TRIML2: variants seen among roughly 807,000 people sequenced by gnomAD.
TRIML2 encodes tripartite motif family like 2.
In TRIML2, 28 loss-of-function variants were observed where a neutral mutation model predicts 31.2. That is an observed-to-expected ratio of 0.90 (90% CI 0.66 to 1.23). TRIML2 has a LOEUF of 1.23. Among genes scored for constraint, TRIML2 ranks in the 50% most tolerant of loss-of-function variants. The pLI, the probability that TRIML2 is intolerant of heterozygous loss-of-function variation, is 0.00. For synonymous variants in TRIML2, 187 were observed against 197.5 expected (o/e 0.95, Z 0.45); for missense variants, 536 against 528.3 (o/e 1.01, Z -0.14).
intron 4 of TRIML2, among the ~76,000 whole-genome samples, chr4:188,100,319 T>C (rs1733717274): frequency 6.6e-6 from 1 of 152,172 alleles, no homozygotes; most frequent in African/African-American, 2.4e-5. Context: ...CACTGTTATA[T>C]CCAGTTTACA....
Position 188,109,560 on chromosome 4 carries a change from G to C in TRIML2, c.-540C>G, listed in dbSNP as rs943420459. On this transcript the variant is annotated 5_prime_UTR_variant, in exon 1 of 8. Transcript: ENST00000682553. ...CCCAAAGTACTGGGATTACAGGAAT[G>C]AGTCACCACACCGAACCAAGGTATT... 3.3e-5 allele frequency: 5 copies of C among 152,082 alleles called. No individual in the cohort carries two copies. The highest frequency in any genetic ancestry group is 7.3e-5 in the Non-Finnish European group (5 of 68,038). The allele number at this position is 152,082 out of a possible 1,614,324, so 9.4% of individuals were successfully genotyped here. A position where few individuals can be genotyped will look rare whatever the true frequency, so the allele number is the denominator to read the frequency against.
In TRIML2 at chr4:188,105,293, T is replaced by C. The variant is rs1392062327; in HGVS notation, c.76A>G (p.Thr26Ala). The C allele has an allele frequency of 2.5e-6, 4 of 1,612,072 alleles. No individual in the cohort carries two copies. The African/African-American group carries it at 5.3e-5, about 22-fold the overall frequency. ...DAYCETHLEP[T>A]RLFCDVDQIT... ...TGGTCAACATCACAGAACAGCCGTG[T>C]TGGTTCCAGGTGTGTTTCACAATAG... The change falls in exon 2 of 8, where the codon ACA (threonine) becomes GCA (alanine). Residue 26 changes from threonine (T) to alanine (A), a missense_variant. Physicochemically the swap from Thr to Ala is moderately conservative, Grantham distance 58. Coordinates refer to ENST00000682553, the MANE Select transcript of TRIML2 (RefSeq NM_173553.4).
At chr4:188,107,229 T>TGATC (rs1327269879) in intron 1 of TRIML2, among the ~76,000 whole-genome samples, 1 of 152,136 alleles carries the variant, frequency 6.6e-6, no homozygotes, top group Non-Finnish European at 1.5e-5. Flanking sequence ...TTGGCCACAC[T>TGATC]GATCTGGAAC....
intron 7 of TRIML2, among the ~76,000 whole-genome samples, chr4:188,095,670 C>A (rs1733474454): frequency 6.6e-6 from 1 of 152,122 alleles, no homozygotes; most frequent in South Asian, 2.1e-4. Context: ...GGCAAAATGG[C>A]ACAGGCAATT....
Position 188,096,528 on chromosome 4 carries a change from C to CAAAAAAAAA in TRIML2, c.745+524_745+532dup, listed in dbSNP as rs10607852. 1.8e-4 allele frequency among the ~76,000 whole-genome samples: 7 copies of CAAAAAAAAA among 39,268 alleles called. 1 individual carries two copies. Among genetic ancestry groups the CAAAAAAAAA allele is most frequent in the Non-Finnish European group, 2.9e-4 (6 of 20,436 alleles). The allele number at this position is 39,268 out of a possible 152,430, so 25.8% of individuals were successfully genotyped here. A position where few individuals can be genotyped will look rare whatever the true frequency, so the allele number is the denominator to read the frequency against. On this transcript the variant is annotated intron_variant, in intron 7 of 7. Coordinates refer to ENST00000682553, the MANE Select transcript of TRIML2 (RefSeq NM_173553.4). ...GCCTGGGCAAAGTGAAACTCTGTCT[C>CAAAAAAAAA]AAAAAAAAAAAAAAAAAAAAAAAAA...
intron 7 of TRIML2, among the ~76,000 whole-genome samples, chr4:188,095,836 A>C: frequency 6.6e-6 from 1 of 152,364 alleles, no homozygotes; most frequent in East Asian, 1.9e-4. Context: ...TGGTATATTT[A>C]TACAATGGAA....
At chr4:188,099,986 A>G (rs1733701206) in intron 4 of TRIML2, among the ~76,000 whole-genome samples, 3 of 152,136 alleles carry the variant, frequency 2.0e-5, no homozygotes, top group Non-Finnish European at 4.4e-5. Context: ...ATTTAGGGGG[A>G]AAAAACATAA....
intron 2 of TRIML2, 121 bp downstream of exon 2, chr4:188,105,058 TA>T (rs1733968449): frequency 7.1e-7 from 1 of 1,407,550 alleles, no homozygotes; most frequent in African/African-American, 1.4e-5. Flanking sequence ...TCAACGAACT[TA>T]TCTAATATTC....
In TRIML2 at chr4:188,109,467, G is replaced by C. The variant is rs1001139602; in HGVS notation, c.-447C>G. The stretch of plus-strand genomic sequence containing the variant: ...TAATTTTTGTATTTTTTGTAGAGAC[G>C]GGGTTTCAGTATTTTTCCCAGGCTG... On this transcript the variant is annotated 5_prime_UTR_variant, in exon 1 of 8. Coordinates refer to ENST00000682553, the MANE Select transcript of TRIML2 (RefSeq NM_173553.4). 6.6e-6 allele frequency: 1 copy of C among 151,378 alleles called. No homozygotes were observed. Among genetic ancestry groups the C allele is most frequent in the African/African-American group, 2.4e-5 (1 of 41,156 alleles). The allele number at this position is 151,378 out of a possible 1,614,324, so 9.4% of individuals were successfully genotyped here.
At chr4:188,098,589 G>T (rs1186451544) in intron 5 of TRIML2, 1 of 188,976 alleles carries the variant, frequency 5.3e-6, no homozygotes, top group African/African-American at 2.3e-5. Flanking sequence ...TTGCCAGAAA[G>T]TCTGTGAATG....
chr4:188,094,273 A>G (rs1579167800), intron 7 of TRIML2, among the ~76,000 whole-genome samples: 1 of 152,190 alleles, frequency 6.6e-6, no homozygotes, highest in South Asian at 2.1e-4. Flanking sequence ...GGTCTGAGCC[A>G]GTATAATAAG....
intron 7 of TRIML2, among the ~76,000 whole-genome samples, chr4:188,096,607 T>G (rs970883413): frequency 6.6e-6 from 1 of 151,726 alleles, no homozygotes; most frequent in Non-Finnish European, 1.5e-5. Context: ...GTTATTTTTT[T>G]GATCCTTATC....
intron 7 of TRIML2, among the ~76,000 whole-genome samples, chr4:188,092,626 T>C (rs962976243): frequency 5.3e-5 from 8 of 152,104 alleles, no homozygotes; most frequent in African/African-American, 1.9e-4. Context: ...AGCAACTCAT[T>C]CGTGGCCCTC....
At position 188,091,778 on chromosome 4, in the gene TRIML2, C is replaced by G; in HGVS notation, c.909G>C (p.Arg303Ser). 6.2e-7 allele frequency: 1 copy of G among 1,614,132 alleles called. No homozygotes were observed. Among genetic ancestry groups the G allele is most frequent in the Non-Finnish European group, 8.5e-7 (1 of 1,180,038 alleles). ...TTTCCACGTCCACCTCCCAGTAGTG[C>G]CTCCCTGAGGTGAAGCTCTCCGCAG... ...VLAAESFTSG[R>S]HYWEVDVEKA... The change falls in exon 8 of 8, where the codon AGG (arginine) becomes AGC (serine). Residue 303 changes from arginine to serine, a missense_variant. Coordinates refer to ENST00000682553, the MANE Select transcript of TRIML2 (RefSeq NM_173553.4).
At chr4:188,103,848 A>G (rs1280275744) in intron 3 of TRIML2, among the ~76,000 whole-genome samples, 2 of 152,122 alleles carry the variant, frequency 1.3e-5, no homozygotes, top group East Asian at 3.9e-4. Context: ...AACACATGGT[A>G]CTTGGAACTG....
intron 3 of TRIML2, among the ~76,000 whole-genome samples, chr4:188,101,617 C>A (rs1733794298): frequency 6.6e-6 from 1 of 151,888 alleles, no homozygotes; most frequent in African/African-American, 2.4e-5. Flanking sequence ...TCGCTTGAAC[C>A]TGGGAGGTGG....
chr4:188,099,948 G>A (rs897970030), intron 4 of TRIML2, among the ~76,000 whole-genome samples: 1 of 150,124 alleles, frequency 6.7e-6, no homozygotes, highest in Non-Finnish European at 1.5e-5. Context: ...CATATACTGC[G>A]TAGTCACATA....
At chr4:188,097,261 A>G (rs2111165073) in intron 6 of TRIML2, 63 bp downstream of exon 6, 1 of 1,602,808 alleles carries the variant, frequency 6.2e-7, no homozygotes, top group East Asian at 2.2e-5. Flanking sequence ...CAATCTCCCT[A>G]TCTCAATCAA....
chr4:188,098,954 A>C (rs1385077913), intron 5 of TRIML2, 81 bp downstream of exon 5: 1 of 1,489,266 alleles, frequency 6.7e-7, no homozygotes, highest in Non-Finnish European at 9.1e-7. Context: ...GTGTTCTGAC[A>C]GCAACCCCTA....
Sources: gnomAD v4.1 joint callset for allele counts (sites outside exome capture counted in the v4.1 genomes callset) on GRCh38, gnomAD v4.1.1 for gene constraint, MANE v1.5 for transcripts, NCBI Gene and HGNC (gene_info 2026-07-23, HGNC 2026-07-21) for gene names.